Variants in ERC2 observed in about 807,000 individuals in gnomAD.
The protein encoded by ERC2 is ERC protein 2.
A neutral mutation model predicts 114.8 loss-of-function variants in ERC2; 42 were observed. That is an observed-to-expected ratio of 0.37 (90% CI 0.29 to 0.47). The LOEUF is 0.47. Among genes scored for constraint, ERC2 ranks in the 20% least tolerant of loss-of-function variants. ERC2 has a pLI of 0.99. For synonymous variants in ERC2, 454 were observed against 425.5 expected, an observed-to-expected ratio of 1.07 and a Z score of -0.82; for missense variants, 939 against 1,150.7, an observed-to-expected ratio of 0.82 and a Z score of 2.66.
At chr3:55,958,811 G>A (rs1043699869) in intron 12 of ERC2, among the ~76,000 whole-genome samples, 1 of 152,234 alleles carries the variant, frequency 6.6e-6, no homozygotes, top group African/African-American at 2.4e-5. Context: ...AGGACAGGGA[G>A]CAGGAACAGG....
At chr3:56,240,295 G>C (rs899843736) in intron 3 of ERC2, among the ~76,000 whole-genome samples, 4 of 152,236 alleles carry the variant, frequency 2.6e-5, no homozygotes, top group African/African-American at 9.6e-5. Context: ...ACCATCAAAA[G>C]TGTACATGAA....
At chr3:55,908,548 C>T (rs1221424451) in intron 13 of ERC2, among the ~76,000 whole-genome samples, 2 of 152,100 alleles carry the variant, frequency 1.3e-5, no homozygotes, top group East Asian at 3.9e-4. Flanking sequence ...GAGATGTGGG[C>T]TGGGCTGGCA....
chr3:56,188,989 C>A (rs1447645379), intron 3 of ERC2, among the ~76,000 whole-genome samples: 1 of 152,162 alleles, frequency 6.6e-6, no homozygotes, highest in Non-Finnish European at 1.5e-5. Flanking sequence ...AACAACTTGC[C>A]ATGAAATATT....
chr3:56,052,132 G>T (rs568858318), intron 7 of ERC2, among the ~76,000 whole-genome samples: 2 of 152,184 alleles, frequency 1.3e-5, no homozygotes, highest in Non-Finnish European at 2.9e-5. Context: ...TAAAATCCCA[G>T]CATGTCTCCA....
intron 17 of ERC2, among the ~76,000 whole-genome samples, chr3:55,682,041 C>T (rs773637683): frequency 6.6e-6 from 1 of 152,204 alleles, no homozygotes; most frequent in Non-Finnish European, 1.5e-5. Context: ...TTAGAACTTT[C>T]CTTTACCTAC....
At chr3:56,317,027 A>T (rs923918845) in intron 2 of ERC2, among the ~76,000 whole-genome samples, 1 of 152,220 alleles carries the variant, frequency 6.6e-6, no homozygotes, top group Non-Finnish European at 1.5e-5. Flanking sequence ...TTCAACAACA[A>T]AGAGGCATGA....
chr3:56,348,879 GGAAGGAAGGAAGGAAGGAAGGAAGGAAA>G (rs879744253), intron 2 of ERC2, among the ~76,000 whole-genome samples: 6,212 of 74,666 alleles, frequency 0.083, 275 homozygotes, highest in Non-Finnish European at 0.092. Context: ...AAGGAAGGAA[GGAAGGAAGGAAGGAAGGAAGGAAGGAAA>G]GAAGGAAGGA....
At chr3:55,606,058 G>A (rs1204083477) in intron 17 of ERC2, among the ~76,000 whole-genome samples, 1 of 152,200 alleles carries the variant, frequency 6.6e-6, no homozygotes, top group Non-Finnish European at 1.5e-5. Flanking sequence ...TATGGTCTCT[G>A]TGGGTTTATT....
intron 17 of ERC2, among the ~76,000 whole-genome samples, chr3:55,598,143 A>T (rs1335790972): frequency 6.6e-6 from 1 of 152,244 alleles, no homozygotes; most frequent in African/African-American, 2.4e-5. Flanking sequence ...TGTCTTTTTC[A>T]GCAAATTCAG....
chr3:56,368,271 T>C (rs2059232756), intron 2 of ERC2, among the ~76,000 whole-genome samples: 5 of 151,716 alleles, frequency 3.3e-5, no homozygotes, highest in Admixed American at 3.3e-4. Context: ...TGGGTAAAAG[T>C]TCAGGAATAT....
rs72877134 is a variant in ERC2, at chr3:55,815,196, T to C, written c.2564+73193A>G. Among the ~76,000 whole-genome samples, 176 of 144,512 alleles carry C rather than the reference T, an allele frequency of 1.2e-3. 1 individual carries two copies. Among genetic ancestry groups the C allele is most frequent in the African/African-American group, 4.7e-3 (171 of 36,496 alleles). 94.8% of individuals were successfully genotyped at this position (144,512 alleles called of 152,430 possible). On this transcript the variant is annotated intron_variant, in intron 14 of 17. Transcript: ENST00000288221. ...GGTTCAAATATACCAAAGATGCCCATTTAGAAATGCACTGAGACATCTACT... is the reference window on the plus strand; with the variant it reads ...GGTTCAAATATACCAAAGATGCCCACTTAGAAATGCACTGAGACATCTACT...
rs529795571 is a variant in ERC2 at position 56,116,309 on chromosome 3, G to T, written c.1473+23200C>A. Among the ~76,000 whole-genome samples the T allele has an allele frequency of 2.6e-5, 4 of 152,278 alleles. No homozygotes were observed. The East Asian group carries it at 7.7e-4, about 29-fold the overall frequency. ...GCTTTAGAAATATTTATGACCAAGG[G>T]TTTGTTGGCTGCCATGAAATTGTAA... On this transcript the variant is annotated intron_variant, in intron 6 of 17. Transcript: ENST00000288221.
rs560886131 is a variant in ERC2, at chr3:55,851,011, T to A, written c.2564+37378A>T. 1.3e-4 allele frequency among the ~76,000 whole-genome samples: 20 copies of A among 152,062 alleles called. 1 individual carries two copies. In the South Asian group the frequency reaches 4.2e-3, roughly 32 times the overall value. ...GTCTGATTGACAGAGCAAGACTGGA[T>A]CCCATCAAATAGCCTGGAGAGCCAG... On this transcript the variant is annotated intron_variant, in intron 14 of 17. Coordinates refer to ENST00000288221, the MANE Select transcript of ERC2 (RefSeq NM_015576.3).
At chr3:56,032,147 T>C (rs2074413612) in intron 7 of ERC2, among the ~76,000 whole-genome samples, 1 of 152,228 alleles carries the variant, frequency 6.6e-6, no homozygotes, top group African/African-American at 2.4e-5. Flanking sequence ...GGAAGCAGCC[T>C]GAAGCCCTCA....
At chr3:56,382,667 C>A (rs982484081) in intron 2 of ERC2, among the ~76,000 whole-genome samples, 5 of 152,150 alleles carry the variant, frequency 3.3e-5, no homozygotes, top group African/African-American at 1.2e-4. Flanking sequence ...CTCATCTACT[C>A]AACCTCTTAA....
At chr3:56,003,123 C>A (rs2072205685) in intron 10 of ERC2, 1 of 1,288,996 alleles carries the variant, frequency 7.8e-7, no homozygotes, top group African/African-American at 1.5e-5. Context: ...GATTGAACAA[C>A]TGCTCAGCTT....
At chr3:56,057,912 T>C (rs780528624) in intron 7 of ERC2, among the ~76,000 whole-genome samples, 7 of 152,340 alleles carry the variant, frequency 4.6e-5, no homozygotes, top group Non-Finnish European at 1.5e-5. Flanking sequence ...GATCTACCTC[T>C]TTAGTTTGGT....
At chr3:55,892,621 T>C (rs1167889397) in intron 13 of ERC2, among the ~76,000 whole-genome samples, 1 of 152,322 alleles carries the variant, frequency 6.6e-6, no homozygotes, top group African/African-American at 2.4e-5. Flanking sequence ...AATACTAACA[T>C]CATTTTTAGT....
At chr3:55,905,625 T>C (rs1292838766) in intron 13 of ERC2, among the ~76,000 whole-genome samples, 1 of 152,144 alleles carries the variant, frequency 6.6e-6, no homozygotes, top group Non-Finnish European at 1.5e-5. Flanking sequence ...AATCAAAATA[T>C]AATTTTGAAA....
Sources: gnomAD v4.1 joint callset for allele counts (sites outside exome capture counted in the v4.1 genomes callset) on GRCh38, gnomAD v4.1.1 for gene constraint, MANE v1.5 for transcripts, NCBI Gene and HGNC (gene_info 2026-07-23, HGNC 2026-07-21) for gene names.